The following DNAH14 variants were observed in gnomAD, a reference collection of about 807,000 sequenced individuals.
DNAH14 encodes dynein axonemal heavy chain 14.
DNAH14 carries 478 observed loss-of-function variants against 520.9 expected under a neutral mutation model. The observed-to-expected ratio is 0.92, with a 90% CI of 0.85 to 0.99. The LOEUF is 0.99. DNAH14 is among the 50% of genes least tolerant of loss of function. The probability of loss-of-function intolerance (pLI) is 0.00; values close to 1 mark genes in which losing one functional copy is unlikely to be tolerated. For missense variants in DNAH14, 4,831 were observed against 5,234.5 expected, an observed-to-expected ratio of 0.92 and a Z score of 2.38; for synonymous variants, 1,581 against 1,757.2, an observed-to-expected ratio of 0.90 and a Z score of 2.51.
At chr1:225,134,857 A>AT (rs2078815354) in intron 27 of DNAH14, among the ~76,000 whole-genome samples, 1 of 151,682 alleles carries the variant, frequency 6.6e-6, no homozygotes, top group South Asian at 2.1e-4. Context: ...TGGTCTTGGG[A>AT]TTTTTTTGGT....
intron 61 of DNAH14, among the ~76,000 whole-genome samples, chr1:225,320,181 G>T (rs539365895): frequency 1.0e-3 from 156 of 152,276 alleles, no homozygotes; most frequent in African/African-American, 3.6e-3. Context: ...CCTGGCTGGG[G>T]ATCCTGGCAC....
chr1:225,218,379 A>G (rs2089655681), intron 41 of DNAH14, among the ~76,000 whole-genome samples: 1 of 152,194 alleles, frequency 6.6e-6, no homozygotes, highest in African/African-American at 2.4e-5. Context: ...ATAAAGAGTC[A>G]AGACCCATCA....
Position 225,038,833 on chromosome 1 carries a change from T to C in DNAH14, c.1488+10T>C. On this transcript the variant is annotated intron_variant, in intron 12 of 85. Coordinates refer to ENST00000682510, the MANE Select transcript of DNAH14 (RefSeq NM_001367479.1). ...CACTGATATTAATGAGGTAAAATGATCTTTGAAAAATATAAACATAGATTT... is the reference window on the plus strand; with the variant it reads ...CACTGATATTAATGAGGTAAAATGACCTTTGAAAAATATAAACATAGATTT... 1 of 1,467,998 alleles carries C rather than the reference T, an allele frequency of 6.8e-7. No homozygotes were observed. The highest frequency in any genetic ancestry group is 2.6e-5 in the East Asian group (1 of 37,760). 90.9% of individuals were successfully genotyped at this position (1,467,998 alleles called of 1,614,324 possible). A position where few individuals can be genotyped will look rare whatever the true frequency, so the allele number is the denominator to read the frequency against.
At chr1:225,035,976 G>T in intron 11 of DNAH14, among the ~76,000 whole-genome samples, 1 of 152,028 alleles carries the variant, frequency 6.6e-6, no homozygotes, top group East Asian at 1.9e-4. Flanking sequence ...TTTCCCTTTA[G>T]ATCTAATAAT....
In DNAH14 at chr1:225,340,522, T is replaced by C. The variant is rs1034224808; in HGVS notation, c.10499T>C (p.Met3500Thr). ...FLPSVYNFVTMINFTVTFQGL... is the reference protein window; with the variant it reads ...FLPSVYNFVTTINFTVTFQGL... Reference sequence around the variant, plus strand: ...CCATCAGTTTATAACTTTGTTACTATGATCAACTTCACTGTAACATTCCAA... The same window carrying C: ...CCATCAGTTTATAACTTTGTTACTACGATCAACTTCACTGTAACATTCCAA... The change falls in exon 69 of 86, where the codon ATG becomes ACG. Residue 3500 changes from methionine (M) to threonine (T), a missense_variant. By Grantham distance (81) the Met-to-Thr change is moderately conservative (BLOSUM62 -1). Transcript: ENST00000682510. 7.7e-6 allele frequency: 12 copies of C among 1,551,470 alleles called. No homozygotes were observed. The highest frequency in any genetic ancestry group is 1.0e-5 in the Non-Finnish European group (12 of 1,146,858).
intron 75 of DNAH14, among the ~76,000 whole-genome samples, chr1:225,364,295 C>T (rs1298802537): frequency 6.6e-6 from 1 of 152,156 alleles, no homozygotes; most frequent in Non-Finnish European, 1.5e-5. Flanking sequence ...TGAATTACTA[C>T]TATATTGTTT....
chr1:225,108,069 C>T (rs2076220855), intron 23 of DNAH14, among the ~76,000 whole-genome samples: 2 of 152,188 alleles, frequency 1.3e-5, no homozygotes, highest in South Asian at 4.1e-4. Flanking sequence ...TCTGGGTAGA[C>T]ACCATCTAAT....
chr1:225,159,386 G>A lies in DNAH14; in HGVS notation c.5346G>A (p.Leu1782=), dbSNP rs1057128359. The A allele has an allele frequency of 2.6e-6, 4 of 1,551,412 alleles. No individual in the cohort carries two copies. In the East Asian group the frequency reaches 9.8e-5, roughly 38 times the overall value. ...IVIEAIREAS[L]PKCPPEDVPL... The stretch of plus-strand genomic sequence containing the variant: ...TCGAGGCTATAAGAGAAGCTAGTTT[G>A]CCAAAATGTCCTCCTGAAGATGTCC... Residue 1782 remains leucine, a synonymous_variant, in exon 35 of 86, where the codon TTG becomes TTA. Transcript: ENST00000682510.
intron 46 of DNAH14, among the ~76,000 whole-genome samples, chr1:225,262,866 C>A (rs1177766441): frequency 6.6e-6 from 1 of 151,510 alleles, no homozygotes; most frequent in Non-Finnish European, 1.5e-5. Flanking sequence ...ATTTTTTTAA[C>A]CCTGTGAAAA....
At chr1:225,062,868 T>C (rs2070358989) in intron 17 of DNAH14, among the ~76,000 whole-genome samples, 1 of 151,930 alleles carries the variant, frequency 6.6e-6, no homozygotes, top group South Asian at 2.1e-4. Context: ...CCTGAAAAAA[T>C]GAAAGACAAC....
chr1:225,102,893 A>G (rs2075645709), intron 23 of DNAH14, among the ~76,000 whole-genome samples: 1 of 152,020 alleles, frequency 6.6e-6, no homozygotes, highest in Non-Finnish European at 1.5e-5. Flanking sequence ...CTTTAGTTTA[A>G]TTAGATCCCA....
intron 23 of DNAH14, among the ~76,000 whole-genome samples, chr1:225,104,105 T>A (rs1288501970): frequency 1.3e-5 from 2 of 152,210 alleles, no homozygotes; most frequent in African/African-American, 2.4e-5. Flanking sequence ...TGAAGCGTTG[T>A]TGAATTTTGT....
At chr1:225,370,145 T>A (rs917519889) in intron 77 of DNAH14, among the ~76,000 whole-genome samples, 5 of 151,994 alleles carry the variant, frequency 3.3e-5, no homozygotes, top group African/African-American at 1.2e-4. Flanking sequence ...AAAATTAGCC[T>A]GGCGTGGTGG....
chr1:225,073,677 GTTTGTT>G (rs1214486445), intron 17 of DNAH14, among the ~76,000 whole-genome samples: 5 of 149,864 alleles, frequency 3.3e-5, no homozygotes, highest in East Asian at 3.9e-4. Flanking sequence ...TGTTGTTGTT[GTTTGTT>G]TTTGTTTTTG....
chr1:225,080,873 A>G, intron 19 of DNAH14, 125 bp downstream of exon 19: 1 of 997,306 alleles, frequency 1.0e-6, no homozygotes, highest in South Asian at 2.0e-5. Context: ...GGCTAGAGCT[A>G]CAATACAGGA....
chr1:225,207,225 G>GT lies in DNAH14; in HGVS notation c.6439+12dup, dbSNP rs148175906. 2.7e-6 allele frequency: 4 copies of GT among 1,504,784 alleles called. No homozygotes were observed. The highest frequency in any genetic ancestry group is 2.6e-5 in the South Asian group (2 of 77,248). 93.2% of individuals were successfully genotyped at this position (1,504,784 alleles called of 1,614,324 possible). A position where few individuals can be genotyped will look rare whatever the true frequency, so the allele number is the denominator to read the frequency against. ...AAAATGGAGGATTTGAACAAAGTGAGTTTTTTTCTCTAAGTCATATCAATG... is the reference window on the plus strand; with the variant it reads ...AAAATGGAGGATTTGAACAAAGTGAGTTTTTTTTCTCTAAGTCATATCAATG... On this transcript the variant is annotated splice_donor_region_variant and intron_variant, in intron 41 of 85. Coordinates refer to ENST00000682510, the MANE Select transcript of DNAH14 (RefSeq NM_001367479.1).
chr1:225,354,204 TA>T (rs1295195244), intron 73 of DNAH14: 2 of 701,812 alleles, frequency 2.8e-6, no homozygotes, highest in Admixed American at 4.0e-5. Context: ...CTCCGTGCCA[TA>T]AACCATACAG....
chr1:224,953,129 C>CTTTTTTCTTTT (rs1481030846), intron 2 of DNAH14: 3 of 150,978 alleles, frequency 2.0e-5, no homozygotes, highest in Admixed American at 1.3e-4. Flanking sequence ...CATAGAAATA[C>CTTTTTTCTTTT]TTTTTTTTTT....
At chr1:225,193,517 C>T (rs981178462) in intron 38 of DNAH14, among the ~76,000 whole-genome samples, 8 of 152,004 alleles carry the variant, frequency 5.3e-5, no homozygotes, top group African/African-American at 1.9e-4. Flanking sequence ...TCACAAGACT[C>T]TATCTCAAAG....
Sources: gnomAD v4.1 joint callset for allele counts (sites outside exome capture counted in the v4.1 genomes callset) on GRCh38, gnomAD v4.1.1 for gene constraint, MANE v1.5 for transcripts, NCBI Gene and HGNC (gene_info 2026-07-23, HGNC 2026-07-21) for gene names.